The following LGR6 variants were observed in gnomAD, a reference collection of about 807,000 sequenced individuals.
The protein encoded by LGR6 is leucine rich repeat containing G protein-coupled receptor 6.
LGR6 carries 45 observed loss-of-function variants against 69.4 expected under a neutral mutation model. That is an observed-to-expected ratio of 0.65 (90% CI 0.51 to 0.83). LGR6 has a LOEUF of 0.83. Ranked by LOEUF, LGR6 falls within the 40% of genes least tolerant of loss-of-function variation. The pLI, the probability that LGR6 is intolerant of heterozygous loss-of-function variation, is 0.00. For synonymous variants in LGR6, 538 were observed against 555.0 expected (o/e 0.97, Z 0.43); for missense variants, 1,108 against 1,246.7 (o/e 0.89, Z 1.68).
chr1:202,242,473 G>A (rs912430340), intron 4 of LGR6, among the ~76,000 whole-genome samples: 2 of 152,192 alleles, frequency 1.3e-5, no homozygotes, highest in African/African-American at 4.8e-5. Flanking sequence ...AGAGTCCAGT[G>A]GGATGATTGG....
At chr1:202,231,490 A>G (rs1661067454) in intron 3 of LGR6, among the ~76,000 whole-genome samples, 1 of 152,072 alleles carries the variant, frequency 6.6e-6, no homozygotes, top group African/African-American at 2.4e-5. Flanking sequence ...AGCTCTGTGG[A>G]TCTCATGTGC....
At chr1:202,263,548 C>G (rs1664405842) in intron 4 of LGR6, among the ~76,000 whole-genome samples, 1 of 152,138 alleles carries the variant, frequency 6.6e-6, no homozygotes, top group South Asian at 2.1e-4. Context: ...TTTGTTCCTT[C>G]ATTTCCTCCC....
intron 6 of LGR6, among the ~76,000 whole-genome samples, chr1:202,296,597 C>A (rs1018263787): frequency 6.6e-6 from 1 of 152,208 alleles, no homozygotes; most frequent in African/African-American, 2.4e-5. Flanking sequence ...TTGCCCTCGG[C>A]CTCTTCCATT....
At chr1:202,194,789 C>T (rs1658577583) in intron 1 of LGR6, among the ~76,000 whole-genome samples, 1 of 152,120 alleles carries the variant, frequency 6.6e-6, no homozygotes, top group Non-Finnish European at 1.5e-5. Context: ...AGCACCATCT[C>T]CCTTCACTGG....
chr1:202,205,136 ACACACACACACCTC>A (rs1659096534), intron 1 of LGR6, among the ~76,000 whole-genome samples: 1 of 109,072 alleles, frequency 9.2e-6, no homozygotes, highest in African/African-American at 3.5e-5. Context: ...CCTCCTTCAA[ACACACACACACCTC>A]CACACACACC....
chr1:202,239,084 G>C (rs375622916), intron 4 of LGR6, among the ~76,000 whole-genome samples: 12 of 152,200 alleles, frequency 7.9e-5, no homozygotes, highest in African/African-American at 2.6e-4. Flanking sequence ...ACTGCTACGC[G>C]GTACCCGGAT....
intron 3 of LGR6, among the ~76,000 whole-genome samples, chr1:202,232,699 T>A (rs544043430): frequency 6.6e-6 from 1 of 152,304 alleles, no homozygotes; most frequent in African/African-American, 2.4e-5. Context: ...TTCTGATGTA[T>A]AACCAGGGCT....
Position 202,319,478 on chromosome 1 carries a change from T to C in LGR6, c.*271T>C. ...GAAGCTGTGGACCAGAGACCTGGAC[T>C]TTTGTCTGCTTAAGGGAAATGAGGG... is the stretch of plus-strand genomic sequence containing the variant. On this transcript the variant is annotated 3_prime_UTR_variant, in exon 18 of 18. Transcript: ENST00000367278. 1 of 416,712 alleles carries C rather than the reference T, an allele frequency of 2.4e-6. No homozygotes were observed. The highest frequency in any genetic ancestry group is 2.0e-5 in the African/African-American group (1 of 50,030). The allele number at this position is 416,712 out of a possible 1,614,324, so 25.8% of individuals were successfully genotyped here.
intron 4 of LGR6, among the ~76,000 whole-genome samples, chr1:202,259,432 A>G (rs1664043810): frequency 6.6e-6 from 1 of 152,088 alleles, no homozygotes; most frequent in Admixed American, 6.6e-5. Flanking sequence ...AACATTTCTA[A>G]TTTCTTCTTT....
chr1:202,213,297 G>A (rs982799011), intron 1 of LGR6, among the ~76,000 whole-genome samples: 3 of 152,130 alleles, frequency 2.0e-5, no homozygotes, highest in East Asian at 1.9e-4. Context: ...TTCGTCCCAG[G>A]GCCTGACTGG....
In LGR6 at chr1:202,302,493, G is replaced by A. The variant is rs1667674995; in HGVS notation, c.930-786G>A. Among the ~76,000 whole-genome samples the A allele has an allele frequency of 2.0e-5, 3 of 152,140 alleles. No homozygotes were observed. In the South Asian group the frequency reaches 6.2e-4, roughly 32 times the overall value. ...TGTCCTCAATAAAATAGGAGATGGT[G>A]GGAAGGAGGAAAACCACCAGTCTAA... On this transcript the variant is annotated intron_variant, in intron 9 of 17. Coordinates refer to ENST00000367278, the MANE Select transcript of LGR6 (RefSeq NM_001017403.2).
intron 4 of LGR6, among the ~76,000 whole-genome samples, chr1:202,237,460 G>GA (rs1327082931): frequency 6.6e-6 from 1 of 152,164 alleles, no homozygotes; most frequent in African/African-American, 2.4e-5. Context: ...CTTCATAGGG[G>GA]AAAAAAATTA....
At chr1:202,315,048 G>T (rs993029869) in intron 17 of LGR6, among the ~76,000 whole-genome samples, 166 bp downstream of exon 17, 2 of 152,230 alleles carry the variant, frequency 1.3e-5, no homozygotes, top group Admixed American at 6.5e-5. Flanking sequence ...GGAAGGAACT[G>T]GAGTTCTTTC....
At chr1:202,278,844 C>G (rs1376358998) in intron 5 of LGR6, among the ~76,000 whole-genome samples, 1 of 152,182 alleles carries the variant, frequency 6.6e-6, no homozygotes, top group Non-Finnish European at 1.5e-5. Flanking sequence ...GGCTGCTCTG[C>G]CACATGTGGA....
At chr1:202,275,598 G>T (rs1665481848) in intron 4 of LGR6, among the ~76,000 whole-genome samples, 1 of 152,148 alleles carries the variant, frequency 6.6e-6, no homozygotes, top group African/African-American at 2.4e-5. Flanking sequence ...GCCTCCTAGA[G>T]GTCATCAACT....
At chr1:202,307,858 C>A (rs923246768) in intron 14 of LGR6, among the ~76,000 whole-genome samples, 1 of 152,184 alleles carries the variant, frequency 6.6e-6, no homozygotes, top group African/African-American at 2.4e-5. Context: ...CTTTAAATTA[C>A]ATAGGATGTA....
intron 17 of LGR6, among the ~76,000 whole-genome samples, 197 bp downstream of exon 17, chr1:202,315,079 G>A (rs1654043560): frequency 6.6e-6 from 1 of 152,206 alleles, no homozygotes; most frequent in Non-Finnish European, 1.5e-5. Flanking sequence ...CTGCTTGAGG[G>A]GAGTAGCATG....
Position 202,203,024 on chromosome 1 carries a change from G to C in LGR6, c.212+8823G>C, listed in dbSNP as rs143160708. ...ATGGAGGGGGAGGAGCAGAGGAGCA[G>C]TGCGGAGTCACTCTCTCCATGTAGC... On this transcript the variant is annotated intron_variant, in intron 1 of 17. Transcript: ENST00000367278. 7.9e-3 allele frequency among the ~76,000 whole-genome samples: 1,201 copies of C among 152,248 alleles called. 19 individuals carry two copies. Among genetic ancestry groups the C allele is most frequent in the African/African-American group, 0.028 (1,143 of 41,498 alleles).
At chr1:202,232,092 A>T (rs1417832395) in intron 3 of LGR6, among the ~76,000 whole-genome samples, 1 of 93,846 alleles carries the variant, frequency 1.1e-5, no homozygotes, top group Non-Finnish European at 2.3e-5. Context: ...CAAGAGCAAA[A>T]CGCCGTCTCA....
Sources: gnomAD v4.1 joint callset for allele counts (sites outside exome capture counted in the v4.1 genomes callset) on GRCh38, gnomAD v4.1.1 for gene constraint, MANE v1.5 for transcripts, NCBI Gene and HGNC (gene_info 2026-07-23, HGNC 2026-07-21) for gene names.